Variants in RAB3GAP1 observed in about 807,000 individuals in gnomAD.
RAB3GAP1 encodes the protein RAB3 GTPase activating protein catalytic subunit 1, also known as rab3 GTPase-activating protein catalytic subunit.
In RAB3GAP1, 86 loss-of-function variants were observed where a neutral mutation model predicts 130.7. That is an observed-to-expected ratio of 0.66 (90% confidence interval 0.55 to 0.79). The LOEUF is 0.79. Ranked by LOEUF, RAB3GAP1 falls within the 30% of genes least tolerant of loss-of-function variation. RAB3GAP1 has a pLI of 0.00. For synonymous variants in RAB3GAP1, 367 were observed against 401.7 expected (o/e 0.91, Z 1.03); for missense variants, 1,029 against 1,169.4 (o/e 0.88, Z 1.75).
At chr2:135,074,740 A>G (rs1188354613) in intron 3 of RAB3GAP1, among the ~76,000 whole-genome samples, 4 of 152,232 alleles carry the variant, frequency 2.6e-5, no homozygotes, top group Non-Finnish European at 5.9e-5. Flanking sequence ...AGTTGTAGGT[A>G]AAGACAGGCA....
At chr2:135,091,393 A>G (rs1018513817) in intron 4 of RAB3GAP1, among the ~76,000 whole-genome samples, 6 of 152,186 alleles carry the variant, frequency 3.9e-5, no homozygotes, top group African/African-American at 1.4e-4. Flanking sequence ...AAGATAAGAT[A>G]GATAAGTAAG....
chr2:135,131,575 A>G (rs1691545526), intron 13 of RAB3GAP1, among the ~76,000 whole-genome samples: 2 of 152,130 alleles, frequency 1.3e-5, no homozygotes, highest in Admixed American at 1.3e-4. Context: ...AGTTGAGAGA[A>G]AGCTTTTAGT....
At chr2:135,161,074 G>C (rs1309085159) in intron 19 of RAB3GAP1, among the ~76,000 whole-genome samples, 4 of 152,166 alleles carry the variant, frequency 2.6e-5, no homozygotes, top group African/African-American at 9.7e-5. Context: ...AATTCAGAAA[G>C]GTGGGTATTA....
intron 17 of RAB3GAP1, among the ~76,000 whole-genome samples, chr2:135,143,262 T>C (rs1321038946): frequency 6.6e-6 from 1 of 152,008 alleles, no homozygotes; most frequent in Non-Finnish European, 1.5e-5. Context: ...ATCTTTTTAG[T>C]GATTATAGAA....
Position 135,142,888 on chromosome 2 carries a change from T to TA in RAB3GAP1, c.1923+6956_1923+6957insA, listed in dbSNP as rs528231607. Among the ~76,000 whole-genome samples the TA allele has an allele frequency of 6.4e-4, 95 of 147,848 alleles. 1 individual carries two copies. Among genetic ancestry groups the TA allele is most frequent in the African/African-American group, 2.0e-3 (81 of 40,822 alleles). Reference sequence around the variant, plus strand: ...CCCTTTTTATACAGCTGGAGTTTATTTTTTTTTTTTTTAGGATTTTTATAT... The same window carrying TA: ...CCCTTTTTATACAGCTGGAGTTTATTATTTTTTTTTTTTAGGATTTTTATAT... On this transcript the variant is annotated intron_variant, in intron 17 of 23. Coordinates refer to ENST00000264158, the MANE Select transcript of RAB3GAP1 (RefSeq NM_012233.3).
chr2:135,063,553 A>G (rs1377545011), intron 3 of RAB3GAP1, among the ~76,000 whole-genome samples: 1 of 152,118 alleles, frequency 6.6e-6, no homozygotes, highest in South Asian at 2.1e-4. Context: ...CCTGATATAA[A>G]TGGAATCATA....
Position 135,117,432 on chromosome 2 carries a change from TCTTCTTCTTCTTCTTCTTCTTCTG to T in RAB3GAP1, c.648+2057_648+2080del, listed in dbSNP as rs1419999380. 2.4e-4 allele frequency among the ~76,000 whole-genome samples: 15 copies of T among 63,284 alleles called. No individual in the cohort carries two copies. In the South Asian group the frequency reaches 2.7e-3, roughly 12 times the overall value. 41.5% of individuals were successfully genotyped at this position (63,284 alleles called of 152,430 possible). A position where few individuals can be genotyped will look rare whatever the true frequency, so the allele number is the denominator to read the frequency against. ...TATTTCTTCTTCTTCTTCTTCTTCT[TCTTCTTCTTCTTCTTCTTCTTCTG>T]CTTCTGCTTCTGCTTCTGCTTCTTC... On this transcript the variant is annotated intron_variant, in intron 7 of 23. Transcript: ENST00000264158.
At chr2:135,128,910 A>G (rs1691434218) in intron 11 of RAB3GAP1, among the ~76,000 whole-genome samples, 1 of 152,182 alleles carries the variant, frequency 6.6e-6, no homozygotes, top group South Asian at 2.1e-4. Flanking sequence ...CAGCATTTTG[A>G]GAGGTCGAGG....
chr2:135,117,786 G>GCTTCTTCTT (rs1164520454), intron 7 of RAB3GAP1, among the ~76,000 whole-genome samples: 10 of 119,308 alleles, frequency 8.4e-5, no homozygotes, highest in East Asian at 2.3e-4. Flanking sequence ...TGCTTCTTCT[G>GCTTCTTCTT]CTTCTTCTTC....
intron 5 of RAB3GAP1, among the ~76,000 whole-genome samples, chr2:135,094,880 TC>T (rs1413952941): frequency 6.6e-6 from 1 of 152,196 alleles, no homozygotes; most frequent in Non-Finnish European, 1.5e-5. Flanking sequence ...AGGATTTCAT[TC>T]TTTTTTATGG....
intron 3 of RAB3GAP1, among the ~76,000 whole-genome samples, chr2:135,063,045 G>A (rs1336263268): frequency 6.6e-6 from 1 of 152,224 alleles, no homozygotes. Flanking sequence ...GTGACATGTT[G>A]AGTAGAACTG....
At chr2:135,091,606 C>CA (rs1457711948) in intron 4 of RAB3GAP1, among the ~76,000 whole-genome samples, 2 of 152,106 alleles carry the variant, frequency 1.3e-5, no homozygotes, top group African/African-American at 4.8e-5. Flanking sequence ...GGAGTCAAAA[C>CA]AAGTGGTTTA....
chr2:135,142,972 T>G (rs1418097604), intron 17 of RAB3GAP1, among the ~76,000 whole-genome samples: 1 of 151,902 alleles, frequency 6.6e-6, no homozygotes, highest in African/African-American at 2.4e-5. Context: ...GTGTCCCCTC[T>G]TTTTCTCTTC....
At position 135,164,713 on chromosome 2, in the gene RAB3GAP1, A is replaced by T; in HGVS notation, c.2709+17A>T. On this transcript the variant is annotated intron_variant, in intron 23 of 23. Coordinates refer to ENST00000264158, the MANE Select transcript of RAB3GAP1 (RefSeq NM_012233.3). ...GCCCAGAGGGTATGTGAGAGTCATT[A>T]TTGACTCCATCATAATCTCTCCAAA... is the stretch of plus-strand genomic sequence containing the variant. 1 of 1,564,754 alleles carries T rather than the reference A, an allele frequency of 6.4e-7. No homozygotes were observed. Among genetic ancestry groups the T allele is most frequent in the South Asian group, 1.1e-5 (1 of 89,044 alleles).
intron 3 of RAB3GAP1, among the ~76,000 whole-genome samples, chr2:135,059,377 G>T: frequency 6.6e-6 from 1 of 152,244 alleles, no homozygotes; most frequent in East Asian, 1.9e-4. Context: ...TGATTTACAT[G>T]TATTTACTGA....
At chr2:135,057,307 G>T (rs1689041167) in intron 2 of RAB3GAP1, among the ~76,000 whole-genome samples, 1 of 152,156 alleles carries the variant, frequency 6.6e-6, no homozygotes, top group East Asian at 1.9e-4. Flanking sequence ...GGGGCTGGGG[G>T]GGTAAATCGG....
chr2:135,117,657 T>TCTTCTG (rs1394713768), intron 7 of RAB3GAP1, among the ~76,000 whole-genome samples: 1 of 133,742 alleles, frequency 7.5e-6, no homozygotes, highest in Non-Finnish European at 1.6e-5. Flanking sequence ...TGCTTCTGCT[T>TCTTCTG]CTTCTGCTTC....
intron 17 of RAB3GAP1, among the ~76,000 whole-genome samples, chr2:135,143,425 T>C (rs964985399): frequency 1.3e-5 from 2 of 152,110 alleles, no homozygotes; most frequent in Non-Finnish European, 2.9e-5. Flanking sequence ...GTTGATTTTG[T>C]TTTCTATTTC....
chr2:135,117,657 T>G (rs1351761737), intron 7 of RAB3GAP1, among the ~76,000 whole-genome samples: 1 of 133,742 alleles, frequency 7.5e-6, no homozygotes, highest in African/African-American at 2.9e-5. Flanking sequence ...TGCTTCTGCT[T>G]CTTCTGCTTC....
Sources: gnomAD v4.1 joint callset for allele counts (sites outside exome capture counted in the v4.1 genomes callset) on GRCh38, gnomAD v4.1.1 for gene constraint, MANE v1.5 for transcripts, NCBI Gene and HGNC (gene_info 2026-07-23, HGNC 2026-07-21) for gene names.